The following SUMF1 variants were observed in gnomAD, a reference collection of about 807,000 sequenced individuals.
SUMF1 encodes sulfatase modifying factor 1.
Under a neutral mutation model 47.6 loss-of-function variants are expected in SUMF1, and 48 were observed. The ratio of observed to expected loss-of-function variants is 1.01; its 90% confidence interval spans 0.80 to 1.28. SUMF1 has a LOEUF of 1.28. Ranked by LOEUF, SUMF1 falls within the 50% of genes most tolerant of loss-of-function variation. SUMF1 has a pLI of 0.00. For synonymous variants in SUMF1, 230 were observed against 192.1 expected (o/e 1.20, Z -1.63); for missense variants, 571 against 485.4 (o/e 1.18, Z -1.66).
intron 7 of SUMF1, among the ~76,000 whole-genome samples, chr3:4,408,982 A>C (rs867259921): frequency 6.6e-6 from 1 of 152,298 alleles, no homozygotes; most frequent in Middle Eastern, 3.4e-3. Context: ...TTAAAAAAAA[A>C]GATAAAAGTA....
At position 4,311,349 on chromosome 3, in the gene SUMF1, G is replaced by A. The variant is rs563026653; in HGVS notation, c.1014+64981C>T. On this transcript the variant is annotated intron_variant and NMD_transcript_variant, in intron 8 of 12. Coordinates refer to the SUMF1 transcript ENST00000448413. ...AATGGAGGATTGACTGGAAGACGTG[G>A]TGCAAACATTCCTTCAGGTGCTTTA... is the stretch of plus-strand genomic sequence containing the variant. Among the ~76,000 whole-genome samples the A allele has an allele frequency of 1.2e-3, 190 of 152,318 alleles. 1 individual carries two copies. The highest frequency in any genetic ancestry group is 3.4e-3 in the Middle Eastern group (1 of 294).
chr3:4,301,055 G>A (rs3762743), intron 8 of SUMF1, among the ~76,000 whole-genome samples: 24,421 of 152,074 alleles, frequency 0.16, 2,260 homozygotes, highest in South Asian at 0.37. Flanking sequence ...AGATGGTTTT[G>A]CCTGTGCTTA....
chr3:4,341,653 A>G (rs763756437), intron 8 of SUMF1, among the ~76,000 whole-genome samples: 1 of 152,202 alleles, frequency 6.6e-6, no homozygotes, highest in Non-Finnish European at 1.5e-5. Context: ...ACAAGCATTT[A>G]TAAGTCATTT....
intron 8 of SUMF1, among the ~76,000 whole-genome samples, chr3:4,230,063 C>G (rs755643254): frequency 6.6e-6 from 1 of 151,492 alleles, no homozygotes; most frequent in Non-Finnish European, 1.5e-5. Context: ...TGAGAATTTA[C>G]GATAGTTTTT....
intron 8 of SUMF1, among the ~76,000 whole-genome samples, chr3:4,191,217 T>C (rs1420543852): frequency 6.6e-6 from 1 of 152,128 alleles, no homozygotes; most frequent in Non-Finnish European, 1.5e-5. Context: ...TTGGATTTTA[T>C]GTTCATTTAG....
intron 6 of SUMF1, among the ~76,000 whole-genome samples, chr3:4,411,984 T>C (rs1190075148): frequency 6.6e-6 from 1 of 152,184 alleles, no homozygotes; most frequent in Admixed American, 6.5e-5. Flanking sequence ...TGGTTTCACA[T>C]CTACCCATGA....
intron 8 of SUMF1, among the ~76,000 whole-genome samples, chr3:4,231,910 CAT>C (rs1412150947): frequency 6.6e-6 from 1 of 152,066 alleles, no homozygotes; most frequent in Non-Finnish European, 1.5e-5. Context: ...AAATTCATTA[CAT>C]GTTTTATTAA....
intron 8 of SUMF1, among the ~76,000 whole-genome samples, chr3:4,242,786 A>G (rs1275253583): frequency 6.6e-6 from 1 of 152,166 alleles, no homozygotes; most frequent in Non-Finnish European, 1.5e-5. Flanking sequence ...TGTTGGCCTT[A>G]TAAAATGAGT....
Position 4,204,272 on chromosome 3 carries a change from T to G in SUMF1, c.1015-135527A>C, listed in dbSNP as rs149744023. On this transcript the variant is annotated intron_variant and NMD_transcript_variant, in intron 8 of 12. Coordinates refer to the SUMF1 transcript ENST00000448413. ...AATACATACAATGTTCTAGGATAAT[T>G]TTTTTATCTTTAGCACTTTAAATAT... Among the ~76,000 whole-genome samples the G allele has an allele frequency of 5.8e-3, 880 of 152,236 alleles. 2 individuals carry two copies. The highest frequency in any genetic ancestry group is 0.017 in the Middle Eastern group (5 of 294).
chr3:4,217,512 T>TATATATATATATATATATA lies in SUMF1; in HGVS notation c.1015-148768_1015-148767insTATATATATATATATATAT, dbSNP rs1559577944. On this transcript the variant is annotated intron_variant and NMD_transcript_variant, in intron 8 of 12. Coordinates refer to the SUMF1 transcript ENST00000448413. ...CATGTATCCCAGAACTTAAAGTATTTTTTATATATATATATATATATATAT... is the reference window on the plus strand; with the variant it reads ...CATGTATCCCAGAACTTAAAGTATTTATATATATATATATATATATTTATATATATATATATATATATAT... Among the ~76,000 whole-genome samples the TATATATATATATATATATA allele has an allele frequency of 6.3e-5, 3 of 47,516 alleles. 1 individual carries two copies. Among genetic ancestry groups the TATATATATATATATATATA allele is most frequent in the African/African-American group, 3.4e-4 (3 of 8,852 alleles). The allele number at this position is 47,516 out of a possible 152,430, so 31.2% of individuals were successfully genotyped here. A position where few individuals can be genotyped will look rare whatever the true frequency, so the allele number is the denominator to read the frequency against.
intron 8 of SUMF1, among the ~76,000 whole-genome samples, chr3:4,076,754 C>G (rs1326061210): frequency 1.3e-5 from 2 of 152,156 alleles, no homozygotes; most frequent in African/African-American, 2.4e-5. Flanking sequence ...AATCCCAGCA[C>G]TTTGGGAGAC....
intron 8 of SUMF1, among the ~76,000 whole-genome samples, chr3:4,227,555 A>G (rs1286205031): frequency 6.6e-6 from 1 of 152,042 alleles, no homozygotes; most frequent in African/African-American, 2.4e-5. Flanking sequence ...TGTTCTCCAC[A>G]CTACCTTGGG....
chr3:4,288,684 G>C (rs931464029), intron 8 of SUMF1, among the ~76,000 whole-genome samples: 2 of 151,990 alleles, frequency 1.3e-5, no homozygotes, highest in Non-Finnish European at 2.9e-5. Flanking sequence ...TGTAATCCCA[G>C]CTACTCAGAG....
chr3:4,088,462 G>A (rs1003593147), intron 8 of SUMF1, among the ~76,000 whole-genome samples: 2 of 152,008 alleles, frequency 1.3e-5, no homozygotes, highest in African/African-American at 4.8e-5. Flanking sequence ...ATCTTAGCAA[G>A]GCCTTCAAGA....
At chr3:4,089,793 T>G (rs1160060451) in intron 8 of SUMF1, among the ~76,000 whole-genome samples, 2 of 152,164 alleles carry the variant, frequency 1.3e-5, no homozygotes, top group Non-Finnish European at 2.9e-5. Context: ...TCACATCATA[T>G]TTTTGTAGTG....
rs1249292672 is a variant in SUMF1, at chr3:4,285,705, T to G, written c.1014+90625A>C. 5.9e-5 allele frequency among the ~76,000 whole-genome samples: 9 copies of G among 152,218 alleles called. No individual in the cohort carries two copies. In the East Asian group the frequency reaches 1.5e-3, roughly 26 times the overall value. ...CATATTTGTCACCTCATACAGTACC[T>G]CATAATGCCTCATATTTGCTAAGTG... On this transcript the variant is annotated intron_variant and NMD_transcript_variant, in intron 8 of 12. Coordinates refer to the SUMF1 transcript ENST00000448413.
At chr3:4,291,404 G>A (rs1697740391) in intron 8 of SUMF1, among the ~76,000 whole-genome samples, 1 of 151,874 alleles carries the variant, frequency 6.6e-6, no homozygotes, top group South Asian at 2.1e-4. Context: ...CTTGTCTCCT[G>A]CATTTCTCTT....
At chr3:4,456,400 G>T (rs1186786440) in intron 1 of SUMF1, among the ~76,000 whole-genome samples, 1 of 151,016 alleles carries the variant, frequency 6.6e-6, no homozygotes, top group East Asian at 1.9e-4. Flanking sequence ...CAGCATCCAA[G>T]CTGGAAACAA....
intron 8 of SUMF1, among the ~76,000 whole-genome samples, chr3:4,133,071 C>T (rs935596993): frequency 1.3e-5 from 2 of 152,172 alleles, no homozygotes; most frequent in African/African-American, 4.8e-5. Context: ...TTAATATCAG[C>T]TATGACCACA....
Sources: gnomAD v4.1 joint callset for allele counts (sites outside exome capture counted in the v4.1 genomes callset) on GRCh38, gnomAD v4.1.1 for gene constraint, MANE v1.5 for transcripts, NCBI Gene and HGNC (gene_info 2026-07-23, HGNC 2026-07-21) for gene names.